The following ANXA2 variants were observed in gnomAD, a reference collection of about 807,000 sequenced individuals.
The protein encoded by ANXA2 is annexin II.
ANXA2 carries 28 observed loss-of-function variants against 47.3 expected under a neutral mutation model. The ratio of observed to expected loss-of-function variants is 0.59; its 90% CI spans 0.44 to 0.81. ANXA2 has a LOEUF of 0.81. Ranked by LOEUF, ANXA2 falls within the 40% of genes least tolerant of loss-of-function variation. ANXA2 has a pLI of 0.00. For missense variants in ANXA2, 384 were observed against 414.3 expected, an observed-to-expected ratio of 0.93 and a Z score of 0.64; for synonymous variants, 172 against 155.5, an observed-to-expected ratio of 1.11 and a Z score of -0.79.
chr15:60,355,597 C>T (rs987933795), intron 7 of ANXA2: 9 of 430,334 alleles, frequency 2.1e-5, no homozygotes, highest in Non-Finnish European at 3.5e-5. Context: ...CTGGGTCCTG[C>T]ATGACCACAG....
intron 3 of ANXA2, among the ~76,000 whole-genome samples, chr15:60,368,831 A>T (rs1318512379): frequency 6.6e-6 from 1 of 152,196 alleles, no homozygotes; most frequent in African/African-American, 2.4e-5. Context: ...ACTTCAAGAG[A>T]GTCCCTGTAT....
intron 1 of ANXA2, chr15:60,396,253 G>C (rs923355512): frequency 4.6e-5 from 7 of 152,242 alleles, no homozygotes; most frequent in African/African-American, 1.7e-4. Context: ...ACTCCTCTCG[G>C]TTGCTGAGGC....
intron 1 of ANXA2, chr15:60,397,295 C>G: frequency 1.0e-6 from 1 of 985,596 alleles, no homozygotes; most frequent in Non-Finnish European, 1.2e-6. Context: ...GCGGGAAACT[C>G]TCCGGGTAGA....
chr15:60,396,506 T>TGTC (rs923304966), intron 1 of ANXA2: 46 of 152,190 alleles, frequency 3.0e-4, no homozygotes, highest in African/African-American at 1.1e-3. Flanking sequence ...ATTTACTCAG[T>TGTC]GTCAACCTTA....
chr15:60,394,759 G>A (rs986415734), intron 1 of ANXA2: 1 of 151,960 alleles, frequency 6.6e-6, no homozygotes, highest in African/African-American at 2.4e-5. Context: ...GGGAGATTTG[G>A]AAGTCATCTG....
chr15:60,364,477 A>T lies in ANXA2; in HGVS notation c.195T>A (p.Asn65Lys). ...TIVNILTNRS[N>K]AQRQDIAFAY... Reference sequence around the variant, plus strand: ...CGAAGGCAATATCCTGTCTCTGTGCATTGCTGCGGTTGGTCAAAATGTTGA... The same window carrying T: ...CGAAGGCAATATCCTGTCTCTGTGCTTTGCTGCGGTTGGTCAAAATGTTGA... Residue 65 changes from asparagine (N) to lysine (K), a missense_variant, in exon 4 of 13, where the codon AAT becomes AAA. Transcript: ENST00000451270. The T allele has an allele frequency of 6.2e-7, 1 of 1,613,344 alleles. No homozygotes were observed. Among genetic ancestry groups the T allele is most frequent in the Non-Finnish European group, 8.5e-7 (1 of 1,179,834 alleles).
intron 1 of ANXA2, among the ~76,000 whole-genome samples, chr15:60,388,729 C>T (rs1228920403): frequency 6.7e-6 from 1 of 150,086 alleles, no homozygotes; most frequent in Non-Finnish European, 1.5e-5. Flanking sequence ...GCCACCACAC[C>T]TAGACCTTTT....
chr15:60,377,543 C>T (rs750168784), intron 3 of ANXA2, among the ~76,000 whole-genome samples: 3 of 151,962 alleles, frequency 2.0e-5, no homozygotes, highest in African/African-American at 4.8e-5. Context: ...ATTTGGTTTC[C>T]CAATGCATAT....
intron 4 of ANXA2, among the ~76,000 whole-genome samples, chr15:60,362,446 C>T (rs2062529391): frequency 6.6e-6 from 1 of 152,176 alleles, no homozygotes; most frequent in Non-Finnish European, 1.5e-5. Context: ...TAACCCTTCC[C>T]TGTAAGGAGA....
chr15:60,397,445 C>CT, intron 1 of ANXA2: 10 of 483,390 alleles, frequency 2.1e-5, no homozygotes, highest in Non-Finnish European at 2.7e-5. Flanking sequence ...TTCCCTCCTG[C>CT]TGGTCGGTTC....
At chr15:60,374,354 C>G (rs1269979500) in intron 3 of ANXA2, 5 of 419,964 alleles carry the variant, frequency 1.2e-5, no homozygotes, top group African/African-American at 1.0e-4. Context: ...AAATGCAAGC[C>G]CTGTATTGTG....
chr15:60,380,804 CAAAAAAA>C lies in ANXA2; in HGVS notation c.148+1531_148+1537del, dbSNP rs61570476. Among the ~76,000 whole-genome samples, 373 of 61,198 alleles carry C rather than the reference CAAAAAAA, an allele frequency of 6.1e-3. 3 individuals carry two copies. Among genetic ancestry groups the C allele is most frequent in the African/African-American group, 0.021 (327 of 15,856 alleles). The allele number at this position is 61,198 out of a possible 152,430, so 40.1% of individuals were successfully genotyped here. ...GGGCAACAAGAGTGAAACTCCATCT[CAAAAAAA>C]AAAAAAAAAAAAAAGATTTTTTTTT... On this transcript the variant is annotated intron_variant, in intron 3 of 12. Transcript: ENST00000451270.
At chr15:60,368,487 A>G (rs2062668602) in intron 3 of ANXA2, among the ~76,000 whole-genome samples, 1 of 152,114 alleles carries the variant, frequency 6.6e-6, no homozygotes. Flanking sequence ...GTAATGGGAT[A>G]CTATGCAGTC....
chr15:60,359,788 G>T (rs2062485096), intron 5 of ANXA2, among the ~76,000 whole-genome samples: 1 of 152,094 alleles, frequency 6.6e-6, no homozygotes, highest in African/African-American at 2.4e-5. Flanking sequence ...AACAGACTCG[G>T]AATAAAAAAT....
At position 60,347,364 on chromosome 15, in the gene ANXA2, T is replaced by A. The variant is rs1895764311; in HGVS notation, c.*266A>T. The A allele has an allele frequency of 7.5e-6, 4 of 530,960 alleles. No individual in the cohort carries two copies. The African/African-American group carries it at 7.6e-5, about 10-fold the overall frequency. The allele number at this position is 530,960 out of a possible 1,614,324, so 32.9% of individuals were successfully genotyped here. On this transcript the variant is annotated 3_prime_UTR_variant, in exon 13 of 13. Transcript: ENST00000451270. ...AGTACAAATTCAGTTTATTCATCTG[T>A]TTATGACACAGTACACAGGAGGCAA...
At chr15:60,371,011 G>T (rs2062702914) in intron 3 of ANXA2, among the ~76,000 whole-genome samples, 3 of 152,172 alleles carry the variant, frequency 2.0e-5, no homozygotes, top group Admixed American at 2.0e-4. Flanking sequence ...CATGAATTCT[G>T]TGATCCAGGC....
chr15:60,361,973 A>T (rs1377476118), intron 4 of ANXA2, among the ~76,000 whole-genome samples: 1 of 151,846 alleles, frequency 6.6e-6, no homozygotes, highest in East Asian at 1.9e-4. Flanking sequence ...GCATCTACAA[A>T]GCTTAGCCCC....
At chr15:60,381,360 T>C (rs1192346781) in intron 3 of ANXA2, among the ~76,000 whole-genome samples, 1 of 152,144 alleles carries the variant, frequency 6.6e-6, no homozygotes, top group Non-Finnish European at 1.5e-5. Context: ...TGAAAGGAAG[T>C]GCTTTATCCA....
At chr15:60,370,771 C>T (rs1004087383) in intron 3 of ANXA2, among the ~76,000 whole-genome samples, 2 of 152,186 alleles carry the variant, frequency 1.3e-5, no homozygotes, top group South Asian at 2.1e-4. Flanking sequence ...TCTGACCTCT[C>T]GTGTTCCAGT....
Sources: gnomAD v4.1 joint callset for allele counts (sites outside exome capture counted in the v4.1 genomes callset) on GRCh38, gnomAD v4.1.1 for gene constraint, MANE v1.5 for transcripts, NCBI Gene and HGNC (gene_info 2026-07-23, HGNC 2026-07-21) for gene names.